The following IQCM variants were observed in gnomAD, a reference collection of about 807,000 sequenced individuals.
IQCM encodes the protein IQ domain-containing protein M.
A neutral mutation model predicts 57.6 loss-of-function variants in IQCM; 45 were observed. The ratio of observed to expected loss-of-function variants is 0.78; its 90% confidence interval spans 0.62 to 1.00. IQCM has a LOEUF of 1.00. Ranked by LOEUF, IQCM falls within the 50% of genes least tolerant of loss-of-function variation. The pLI is 0.00. For synonymous variants in IQCM, 148 were observed against 158.9 expected, an observed-to-expected ratio of 0.93 and a Z score of 0.51; for missense variants, 468 against 511.6, an observed-to-expected ratio of 0.91 and a Z score of 0.82.
chr4:149,469,542 A>C (rs1000535155), intron 12 of IQCM, among the ~76,000 whole-genome samples: 10 of 152,350 alleles, frequency 6.6e-5, no homozygotes, highest in South Asian at 4.1e-4. Flanking sequence ...AAGTTGGAAA[A>C]CATTCTGCAG....
intron 2 of IQCM, chr4:149,748,899 C>T (rs1455111453): frequency 6.6e-6 from 1 of 152,128 alleles, no homozygotes; most frequent in Non-Finnish European, 1.5e-5. Context: ...ATATAAAGAA[C>T]TTTTACAAAT....
intron 13 of IQCM, among the ~76,000 whole-genome samples, chr4:149,426,798 A>T (rs536244212): frequency 3.4e-4 from 52 of 152,054 alleles, no homozygotes; most frequent in African/African-American, 1.2e-3. Flanking sequence ...CTCTTTTATG[A>T]TCTGGACTCA....
At chr4:149,739,504 G>A in intron 3 of IQCM, among the ~76,000 whole-genome samples, 1 of 148,592 alleles carries the variant, frequency 6.7e-6, no homozygotes. Flanking sequence ...CATTTCTTCA[G>A]AATCACAAAG....
intron 2 of IQCM, among the ~76,000 whole-genome samples, chr4:149,807,031 A>G (rs1483909531): frequency 6.6e-6 from 1 of 151,960 alleles, no homozygotes; most frequent in Non-Finnish European, 1.5e-5. Flanking sequence ...AAATGGAAAT[A>G]TATTTCACAC....
At chr4:149,526,860 G>T (rs1364527414) in intron 12 of IQCM, among the ~76,000 whole-genome samples, 1 of 151,754 alleles carries the variant, frequency 6.6e-6, no homozygotes, top group African/African-American at 2.4e-5. Context: ...TATATATTTT[G>T]CTTATTAATG....
At chr4:149,637,004 G>A (rs1757775446) in intron 7 of IQCM, among the ~76,000 whole-genome samples, 1 of 151,410 alleles carries the variant, frequency 6.6e-6, no homozygotes, top group Admixed American at 6.6e-5. Context: ...TTAGCCGGGC[G>A]CGGTGGCAGG....
At position 149,423,364 on chromosome 4, in the gene IQCM, C is replaced by A. The variant is rs115539185; in HGVS notation, c.1390+10032G>T. 2.6e-3 allele frequency among the ~76,000 whole-genome samples: 398 copies of A among 152,100 alleles called. 3 individuals carry two copies. Among genetic ancestry groups the A allele is most frequent in the Middle Eastern group, 0.01 (3 of 294 alleles). On this transcript the variant is annotated intron_variant, in intron 13 of 13. Coordinates refer to ENST00000636793, the MANE Select transcript of IQCM (RefSeq NM_001363507.2). ...GCATGGGGGAAACCTCCGTGATGAT[C>A]CAATCGCCTCCCTCCCTGGACAAGT...
At chr4:149,506,042 C>T (rs1175308136) in intron 12 of IQCM, among the ~76,000 whole-genome samples, 1 of 152,192 alleles carries the variant, frequency 6.6e-6, no homozygotes, top group Non-Finnish European at 1.5e-5. Context: ...ATCTAGCCTA[C>T]ATATGAAGAT....
intron 2 of IQCM, among the ~76,000 whole-genome samples, chr4:149,808,944 C>CAA (rs1333060174): frequency 6.6e-6 from 1 of 151,988 alleles, no homozygotes; most frequent in Non-Finnish European, 1.5e-5. Context: ...AGGTAGCAAA[C>CAA]ACTTTTGAAG....
At chr4:149,725,536 T>C (rs187497316) in intron 5 of IQCM, among the ~76,000 whole-genome samples, 115 of 152,286 alleles carry the variant, frequency 7.6e-4, no homozygotes, top group Non-Finnish European at 1.6e-3. Context: ...CCTAGTAGCA[T>C]GTCTCTGACC....
At position 149,543,621 on chromosome 4, in the gene IQCM, T is replaced by C. The variant is rs370918104; in HGVS notation, c.1228+4834A>G. ...GGGAGAGGGATAGCATTGGGAGATA[T>C]ACCTAATGCTAGATGACAAGTTAGT... On this transcript the variant is annotated intron_variant, in intron 12 of 13. Coordinates refer to ENST00000636793, the MANE Select transcript of IQCM (RefSeq NM_001363507.2). Among the ~76,000 whole-genome samples the C allele has an allele frequency of 3.6e-3, 539 of 149,610 alleles. 2 individuals are homozygous for C. Among genetic ancestry groups the C allele is most frequent in the African/African-American group, 0.012 (501 of 40,932 alleles).
chr4:149,739,263 T>C (rs545107176), intron 3 of IQCM, among the ~76,000 whole-genome samples: 1 of 152,248 alleles, frequency 6.6e-6, no homozygotes, highest in East Asian at 1.9e-4. Context: ...CCTTATTGTC[T>C]TAAGCCTTAT....
intron 9 of IQCM, among the ~76,000 whole-genome samples, chr4:149,585,432 TC>T (rs538533108): frequency 1.4e-3 from 207 of 151,810 alleles, no homozygotes; most frequent in African/African-American, 4.5e-3. Context: ...AAGAAGAGAA[TC>T]TTAATATTGA....
intron 2 of IQCM, among the ~76,000 whole-genome samples, chr4:149,776,767 C>A (rs925062203): frequency 6.6e-6 from 1 of 151,882 alleles, no homozygotes; most frequent in African/African-American, 2.4e-5. Context: ...TAAGTTGTAA[C>A]AAATGAAGAA....
Position 149,461,722 on chromosome 4 carries a change from T to C in IQCM, c.1229-28165A>G, listed in dbSNP as rs186569500. On this transcript the variant is annotated intron_variant, in intron 12 of 13. Transcript: ENST00000636793. ...TGAAAAAAAATCACCTTTGATTGTC[T>C]TTTCAATATTGAAATTAATTTTTTA... 5.6e-3 allele frequency among the ~76,000 whole-genome samples: 844 copies of C among 151,614 alleles called. 5 individuals are homozygous for C. Among genetic ancestry groups the C allele is most frequent in the Non-Finnish European group, 9.2e-3 (626 of 67,894 alleles).
intron 8 of IQCM, among the ~76,000 whole-genome samples, chr4:149,605,354 T>C (rs367685144): frequency 2.0e-5 from 3 of 152,146 alleles, no homozygotes; most frequent in African/African-American, 4.8e-5. Context: ...CATTTGAAAA[T>C]CTTTTATGTG....
At chr4:149,588,671 C>T (rs1752862167) in intron 8 of IQCM, among the ~76,000 whole-genome samples, 1 of 151,770 alleles carries the variant, frequency 6.6e-6, no homozygotes, top group Admixed American at 6.6e-5. Context: ...AGAAGATGGC[C>T]ATCTTCAAGC....
At chr4:149,438,212 T>A (rs572819141) in intron 12 of IQCM, among the ~76,000 whole-genome samples, 1 of 149,334 alleles carries the variant, frequency 6.7e-6, no homozygotes, top group South Asian at 2.1e-4. Context: ...CTGCAAGGTT[T>A]AAAAAAAAAA....
intron 9 of IQCM, among the ~76,000 whole-genome samples, chr4:149,566,178 T>C (rs1240734618): frequency 6.6e-6 from 1 of 152,166 alleles, no homozygotes; most frequent in African/African-American, 2.4e-5. Context: ...GAAATGGTAA[T>C]GATTACTTCT....
Sources: gnomAD v4.1 joint callset for allele counts (sites outside exome capture counted in the v4.1 genomes callset) on GRCh38, gnomAD v4.1.1 for gene constraint, MANE v1.5 for transcripts, NCBI Gene and HGNC (gene_info 2026-07-23, HGNC 2026-07-21) for gene names.